Variants in EFCAB5 observed in about 807,000 individuals in gnomAD.
EFCAB5 encodes EF-hand calcium binding domain 5.
In EFCAB5, 131 loss-of-function variants were observed where a neutral mutation model predicts 167.9. The observed-to-expected ratio is 0.78, with a 90% CI of 0.68 to 0.90. The LOEUF is 0.90. Ranked by LOEUF, EFCAB5 falls within the 40% of genes least tolerant of loss-of-function variation. EFCAB5 has a pLI of 0.00. For synonymous variants in EFCAB5, 574 were observed against 602.8 expected (o/e 0.95, Z 0.70); for missense variants, 1,663 against 1,745.2 (o/e 0.95, Z 0.84).
intron 7 of EFCAB5, among the ~76,000 whole-genome samples, chr17:30,024,841 G>C (rs2069274103): frequency 6.6e-6 from 1 of 152,050 alleles, no homozygotes; most frequent in Admixed American, 6.6e-5. Flanking sequence ...CAGAGATATA[G>C]ATCAATGGAA....
intron 1 of EFCAB5, among the ~76,000 whole-genome samples, chr17:29,932,753 C>G (rs746697145): frequency 1.3e-5 from 2 of 152,038 alleles, no homozygotes; most frequent in Non-Finnish European, 2.9e-5. Flanking sequence ...CCCCCGCACC[C>G]GGCCATCATT....
upstream of EFCAB5, among the ~76,000 whole-genome samples, chr17:29,940,371 C>A (rs1314727084): frequency 6.6e-6 from 1 of 152,158 alleles, no homozygotes; most frequent in Admixed American, 6.5e-5. Context: ...GCCCCTGCGC[C>A]CGGACTAAAC....
intron 22 of EFCAB5, among the ~76,000 whole-genome samples, chr17:30,100,944 T>C (rs2071374287): frequency 6.6e-6 from 1 of 152,098 alleles, no homozygotes; most frequent in Non-Finnish European, 1.5e-5. Flanking sequence ...ACAACCAGTG[T>C]TTTCAAATAG....
chr17:29,966,502 T>G (rs1289952946), intron 3 of EFCAB5, among the ~76,000 whole-genome samples: 1 of 152,202 alleles, frequency 6.6e-6, no homozygotes. Flanking sequence ...TCGCTGGGCA[T>G]GGTGGCATGC....
intron 1 of EFCAB5, 120 bp from the exon 2 acceptor site, chr17:29,942,120 G>A: frequency 1.2e-6 from 1 of 825,322 alleles, no homozygotes; most frequent in Non-Finnish European, 1.9e-6. Context: ...TATTTCACAT[G>A]ATATTTACTC....
chr17:30,015,519 T>C (rs769817460), intron 7 of EFCAB5, among the ~76,000 whole-genome samples: 2 of 152,332 alleles, frequency 1.3e-5, no homozygotes, highest in Non-Finnish European at 1.5e-5. Flanking sequence ...AAGAGAAGTT[T>C]AGAACAATGC....
chr17:29,951,744 T>C (rs1259243714), intron 3 of EFCAB5, among the ~76,000 whole-genome samples: 1 of 152,106 alleles, frequency 6.6e-6, no homozygotes, highest in Non-Finnish European at 1.5e-5. Flanking sequence ...TAAAACAAAT[T>C]GAAGCATAGC....
intron 4 of EFCAB5, among the ~76,000 whole-genome samples, chr17:29,974,110 T>C (rs1302390871): frequency 6.6e-6 from 1 of 150,966 alleles, no homozygotes; most frequent in Non-Finnish European, 1.5e-5. Context: ...TGAGCTGAGA[T>C]TGTGCCACCT....
intron 3 of EFCAB5, among the ~76,000 whole-genome samples, chr17:29,960,723 C>T (rs1365667280): frequency 6.6e-6 from 1 of 152,138 alleles, no homozygotes; most frequent in East Asian, 1.9e-4. Context: ...ATGTATACTG[C>T]TGCCATGAAC....
Position 30,090,537 on chromosome 17 carries a change from A to AT in EFCAB5, c.3804dup (p.Asn1269Ter). 6.2e-7 allele frequency: 1 copy of AT among 1,614,028 alleles called. No individual in the cohort carries two copies. The highest frequency in any genetic ancestry group is 8.5e-7 in the Non-Finnish European group (1 of 1,179,890). ...ACAGGAGAGGCTCTGGGAGTCCTCG[A>AT]TTTTAACATCGGCCAAAATAGGATG... On this transcript the variant is annotated frameshift_variant, in exon 20 of 23. Transcript: ENST00000394835. LOFTEE classifies it high-confidence loss of function.
At chr17:29,965,603 G>T (rs946351047) in intron 3 of EFCAB5, among the ~76,000 whole-genome samples, 12 of 152,092 alleles carry the variant, frequency 7.9e-5, no homozygotes, top group Non-Finnish European at 1.2e-4. Flanking sequence ...TCATCCCTTT[G>T]CATGTAGATA....
rs1336648320 is a variant in EFCAB5 at position 30,087,155 on chromosome 17, A to G, written c.3672A>G (p.Ser1224=). ...ATCCTCCTACCATCCACAGGAAGTC[A>G]TGCATCTTCAGGTTAGAGACATGTC... ...HKNPPTIHRK[S]CIFRDFLFKC... Residue 1224 remains serine, a synonymous_variant, in exon 19 of 23, where the codon TCA becomes TCG. Transcript: ENST00000394835. 4 of 1,613,642 alleles carry G rather than the reference A, an allele frequency of 2.5e-6. No homozygotes were observed. The South Asian group carries it at 3.3e-5, about 13-fold the overall frequency.
At chr17:30,002,560 C>T (rs995755089) in intron 7 of EFCAB5, among the ~76,000 whole-genome samples, 2 of 152,212 alleles carry the variant, frequency 1.3e-5, no homozygotes, top group Admixed American at 1.3e-4. Flanking sequence ...TCCATCACAT[C>T]AGGCACTGTT....
chr17:29,942,909 A>G (rs2067322015), intron 2 of EFCAB5, among the ~76,000 whole-genome samples: 1 of 152,078 alleles, frequency 6.6e-6, no homozygotes, highest in Admixed American at 6.6e-5. Flanking sequence ...TTGGTGGTGC[A>G]TGCGTGTAAT....
In EFCAB5 at chr17:29,996,465, T is replaced by C. The variant is rs188241360; in HGVS notation, c.973+105T>C. 6.0e-5 allele frequency: 60 copies of C among 995,670 alleles called. No individual in the cohort carries two copies. The Admixed American group carries it at 8.1e-4, about 13-fold the overall frequency. The allele number at this position is 995,670 out of a possible 1,614,324, so 61.7% of individuals were successfully genotyped here. On this transcript the variant is annotated intron_variant, in intron 6 of 22. Transcript: ENST00000394835. Reference sequence around the variant, plus strand: ...ACATGAGACAGATGTTATTCAAAACTCTTGCAGGGGCAATTAGGCTCTTCC... The same window carrying C: ...ACATGAGACAGATGTTATTCAAAACCCTTGCAGGGGCAATTAGGCTCTTCC...
intron 1 of EFCAB5, among the ~76,000 whole-genome samples, chr17:29,932,683 C>G (rs572222190): frequency 6.6e-6 from 1 of 152,162 alleles, no homozygotes; most frequent in Non-Finnish European, 1.5e-5. Context: ...GTCTCGAACT[C>G]CTGACCCCAG....
At chr17:30,060,858 G>A (rs1163412961) in intron 14 of EFCAB5, among the ~76,000 whole-genome samples, 2 of 152,080 alleles carry the variant, frequency 1.3e-5, no homozygotes, top group South Asian at 2.1e-4. Flanking sequence ...ATAGCAGCTG[G>A]GTTCCAATAC....
chr17:30,029,038 C>T lies in EFCAB5; in HGVS notation c.1045-5192C>T, dbSNP rs140292016. Among the ~76,000 whole-genome samples the T allele has an allele frequency of 7.6e-4, 115 of 152,176 alleles. 1 individual carries two copies. Among genetic ancestry groups the T allele is most frequent in the Non-Finnish European group, 7.8e-4 (53 of 67,990 alleles). On this transcript the variant is annotated intron_variant, in intron 7 of 22. Transcript: ENST00000394835. ...AGTAAAACTTAGCTTATAACATTACCTAAGCTATCGTTCACCATCAGAGGC... is the reference window on the plus strand; with the variant it reads ...AGTAAAACTTAGCTTATAACATTACTTAAGCTATCGTTCACCATCAGAGGC...
At chr17:30,092,256 C>G in intron 21 of EFCAB5, 99 bp downstream of exon 21, 2 of 1,292,806 alleles carry the variant, frequency 1.5e-6, no homozygotes, top group Admixed American at 2.7e-5. Context: ...GGTACAAATG[C>G]AAGAATTTTT....
Sources: allele counts gnomAD v4.1 joint callset (sites outside exome capture counted in the v4.1 genomes callset), GRCh38; gene constraint gnomAD v4.1.1; transcripts MANE v1.5; gene names NCBI Gene and HGNC (gene_info 2026-07-23, HGNC 2026-07-21).